The following LAMA1 variants were observed in gnomAD, a reference collection of about 807,000 sequenced individuals.
LAMA1 encodes the protein laminin subunit alpha-1.
LAMA1 carries 219 observed loss-of-function variants against 348.7 expected under a neutral mutation model. The observed-to-expected ratio is 0.63, with a 90% confidence interval of 0.56 to 0.70. The LOEUF is 0.70. Ranked by LOEUF, LAMA1 falls within the 30% of genes least tolerant of loss-of-function variation. LAMA1 has a pLI of 0.00. For synonymous variants in LAMA1, 1,487 were observed against 1,491.0 expected, an observed-to-expected ratio of 1.00 and a Z score of 0.06; for missense variants, 3,744 against 3,888.0, an observed-to-expected ratio of 0.96 and a Z score of 0.99.
At position 6,947,307 on chromosome 18, in the gene LAMA1, C is replaced by A; in HGVS notation, c.8711-11G>T. ...TGTAGCCCTCTTTGACTGTAACACA[C>A]AAGGAGGACCCAAGTCAGGGTGAGC... On this transcript the variant is annotated splice_polypyrimidine_tract_variant and intron_variant, in intron 60 of 62. Transcript: ENST00000389658. 1 of 1,613,296 alleles carries A rather than the reference C, an allele frequency of 6.2e-7. No individual in the cohort carries two copies. The highest frequency in any genetic ancestry group is 8.5e-7 in the Non-Finnish European group (1 of 1,180,010).
At chr18:7,037,508 GCGC>G in intron 12 of LAMA1, 67 bp downstream of exon 12, 1 of 1,569,664 alleles carries the variant, frequency 6.4e-7, no homozygotes, top group Non-Finnish European at 8.8e-7. Context: ...AATGCAGGCA[GCGC>G]AAGTTCTTTC....
chr18:6,957,339 C>A (rs2057584380), intron 55 of LAMA1: 1 of 127,716 alleles, frequency 7.8e-6, no homozygotes, highest in African/African-American at 3.4e-5. Flanking sequence ...CATGAGGATG[C>A]CTCATGAATG....
chr18:7,008,527 A>G lies in LAMA1; in HGVS notation c.4083T>C (p.Asn1361=), dbSNP rs377556261. Reference sequence around the variant, plus strand: ...CCACAGTGCCAGGAGGACAGACACAATTCTCTAAAAGAGATGCAACCTCTT... The same window carrying G: ...CCACAGTGCCAGGAGGACAGACACAGTTCTCTAAAAGAGATGCAACCTCTT... ...PEEEVASLLE[N]CVCPPGTVGF... The change falls in exon 28 of 63, where the codon AAT becomes AAC. Residue 1361 remains asparagine (N), a synonymous_variant. Coordinates refer to ENST00000389658, the MANE Select transcript of LAMA1 (RefSeq NM_005559.4). 2 of 1,614,140 alleles carry G rather than the reference A, an allele frequency of 1.2e-6. No individual in the cohort carries two copies. Among genetic ancestry groups the G allele is most frequent in the African/African-American group, 1.3e-5 (1 of 75,060 alleles).
intron 3 of LAMA1, among the ~76,000 whole-genome samples, chr18:7,075,247 G>A (rs1351338623): frequency 6.6e-6 from 1 of 152,058 alleles, no homozygotes; most frequent in Non-Finnish European, 1.5e-5. Flanking sequence ...AAACAAAGCA[G>A]CCAAAAGGTT....
At position 7,015,877 on chromosome 18, in the gene LAMA1, C is replaced by T; in HGVS notation, c.2990-19G>A. Reference sequence around the variant, plus strand: ...TCACAGGCTGAAATAAAGATGAATGCTGGGTTACAGATCTGGGTGATGTCA... The same window carrying T: ...TCACAGGCTGAAATAAAGATGAATGTTGGGTTACAGATCTGGGTGATGTCA... On this transcript the variant is annotated intron_variant, in intron 21 of 62. Transcript: ENST00000389658. 1.2e-6 allele frequency: 2 copies of T among 1,613,930 alleles called. No homozygotes were observed. Among genetic ancestry groups the T allele is most frequent in the South Asian group, 1.1e-5 (1 of 91,070 alleles).
chr18:7,114,460 T>C (rs2143842042), intron 1 of LAMA1, among the ~76,000 whole-genome samples: 1 of 152,326 alleles, frequency 6.6e-6, no homozygotes, highest in African/African-American at 2.4e-5. Flanking sequence ...TTTTGGAGAA[T>C]ATAGTTTAAA....
chr18:7,010,010 T>G (rs1333713823), intron 26 of LAMA1, among the ~76,000 whole-genome samples, 190 bp downstream of exon 26: 1 of 152,140 alleles, frequency 6.6e-6, no homozygotes, highest in Non-Finnish European at 1.5e-5. Context: ...ATTCATCATG[T>G]TGGACAGGCT....
chr18:7,086,511 G>A (rs1288490960), intron 1 of LAMA1, among the ~76,000 whole-genome samples: 6 of 152,082 alleles, frequency 3.9e-5, no homozygotes, highest in African/African-American at 1.4e-4. Flanking sequence ...GTCTTTGGTT[G>A]TACCTCAGCT....
chr18:6,965,899 G>A lies in LAMA1; in HGVS notation c.7050+248C>T. The A allele has an allele frequency of 9.7e-6, 5 of 516,164 alleles. No homozygotes were observed. The South Asian group carries it at 1.2e-4, about 12-fold the overall frequency. 32.0% of individuals were successfully genotyped at this position (516,164 alleles called of 1,614,324 possible). A position where few individuals can be genotyped will look rare whatever the true frequency, so the allele number is the denominator to read the frequency against. ...CAAATGTTGAATTGATATCTATAAA[G>A]ACTAGAAGGCTAGTTTCTACTTGGT... On this transcript the variant is annotated intron_variant, in intron 49 of 62. Transcript: ENST00000389658.
At chr18:7,076,498 A>G (rs1396684776) in intron 3 of LAMA1, among the ~76,000 whole-genome samples, 1 of 152,230 alleles carries the variant, frequency 6.6e-6, no homozygotes, top group East Asian at 1.9e-4. Flanking sequence ...AACCATGAAG[A>G]AACAATCTGA....
chr18:7,050,995 G>A (rs755970853), intron 3 of LAMA1, 59 bp from the exon 4 acceptor site: 238 of 1,592,434 alleles, frequency 1.5e-4, no homozygotes, highest in Non-Finnish European at 2.0e-4. Context: ...GGCACAGAAT[G>A]AGAGCTACTG....
intron 41 of LAMA1, among the ~76,000 whole-genome samples, chr18:6,981,750 G>A (rs759046882): frequency 2.6e-5 from 4 of 152,166 alleles, no homozygotes; most frequent in African/African-American, 9.7e-5. Context: ...TGTTAGACTC[G>A]GAAGTAAGTC....
At position 6,950,934 on chromosome 18, in the gene LAMA1, T is replaced by C. The variant is rs1158792708; in HGVS notation, c.8245A>G (p.Ser2749Gly). Reference protein sequence around the residue: ...VELSIRTFASSGLIYYMAHQN... With the variant: ...VELSIRTFASGGLIYYMAHQN... ...TGAGCCATGTAGTAAATCAGGCCGC[T>C]GGAGGCGAACGTGCGGATGCTTAGC... Residue 2749 changes from serine to glycine, a missense_variant, in exon 58 of 63, where the codon AGC (serine) becomes GGC (glycine). Around this residue, in one of 3 missense-constraint regions of LAMA1, gnomAD observed 1,983 missense variants for 1,934.3 expected, o/e 1.03. Transcript: ENST00000389658. 1 of 1,614,152 alleles carries C rather than the reference T, an allele frequency of 6.2e-7. No homozygotes were observed. The highest frequency in any genetic ancestry group is 1.1e-5 in the South Asian group (1 of 91,068).
intron 42 of LAMA1, among the ~76,000 whole-genome samples, chr18:6,979,743 C>CA (rs1465528123): frequency 5.5e-4 from 84 of 151,970 alleles, no homozygotes; most frequent in African/African-American, 1.8e-3. Context: ...ACTAAAAATA[C>CA]AAAAAATTAG....
chr18:7,009,135 T>C (rs2057846862), intron 27 of LAMA1, 104 bp downstream of exon 27: 2 of 1,278,392 alleles, frequency 1.6e-6, no homozygotes, highest in Non-Finnish European at 2.3e-6. Context: ...CTGAACTACA[T>C]GGATTAATAA....
At chr18:7,084,728 A>T (rs545971195) in intron 1 of LAMA1, among the ~76,000 whole-genome samples, 1 of 152,342 alleles carries the variant, frequency 6.6e-6, no homozygotes, top group South Asian at 2.1e-4. Flanking sequence ...ACCTACTGGA[A>T]GATTCTCTTA....
intron 19 of LAMA1, among the ~76,000 whole-genome samples, chr18:7,017,999 C>G (rs1300198556): frequency 6.6e-6 from 1 of 152,022 alleles, no homozygotes; most frequent in Non-Finnish European, 1.5e-5. Context: ...TATATTTAAT[C>G]AATATTCACA....
chr18:6,984,844 A>C (rs1381029264), intron 39 of LAMA1, among the ~76,000 whole-genome samples: 1 of 152,150 alleles, frequency 6.6e-6, no homozygotes, highest in Non-Finnish European at 1.5e-5. Flanking sequence ...CCAAATAATA[A>C]ACTCCAAAGA....
chr18:6,951,338 G>A (rs1717622394), intron 57 of LAMA1, among the ~76,000 whole-genome samples: 1 of 152,216 alleles, frequency 6.6e-6, no homozygotes, highest in Non-Finnish European at 1.5e-5. Context: ...AGGTCTGAAT[G>A]ACAGAAAGGG....
Sources: allele counts gnomAD v4.1 joint callset (sites outside exome capture counted in the v4.1 genomes callset), GRCh38; gene constraint gnomAD v4.1.1; regional missense constraint gnomAD v4.1.1; transcripts MANE v1.5; gene names NCBI Gene and HGNC (gene_info 2026-07-23, HGNC 2026-07-21).